Variants in TCF7L1 observed in about 807,000 individuals in gnomAD.
TCF7L1 encodes transcription factor 7 like 1.
In TCF7L1, 18 loss-of-function variants were observed where a neutral mutation model predicts 63.7. The ratio of observed to expected loss-of-function variants is 0.28; its 90% confidence interval spans 0.20 to 0.42. The LOEUF (loss-of-function observed/expected upper bound fraction) is 0.42. Among genes scored for constraint, TCF7L1 ranks in the 10% least tolerant of loss-of-function variants. The probability of loss-of-function intolerance (pLI) is 1.00; values close to 1 mark genes in which losing one functional copy is unlikely to be tolerated. For missense variants in TCF7L1, 654 were observed against 779.3 expected (o/e 0.84, Z 1.91); for synonymous variants, 355 against 340.9 (o/e 1.04, Z -0.46).
At chr2:85,180,375 GCT>G (rs748865472) in intron 3 of TCF7L1, among the ~76,000 whole-genome samples, 4 of 151,858 alleles carry the variant, frequency 2.6e-5, no homozygotes, top group Admixed American at 6.6e-5. Context: ...GCCCCAAAGT[GCT>G]CTTTTTGTTG....
rs1679256787 is a variant in TCF7L1 at position 85,200,974 on chromosome 2, G to A, written c.441+66524G>A. 3.9e-5 allele frequency among the ~76,000 whole-genome samples: 6 copies of A among 152,308 alleles called. No individual in the cohort carries two copies. In the South Asian group the frequency reaches 1.0e-3, roughly 26 times the overall value. On this transcript the variant is annotated intron_variant, in intron 3 of 11. Transcript: ENST00000282111. ...CTAGCATTTTGGGAGGCCGAGGTGG[G>A]TGGATTACCTGAGGTCGGGAGTTCA...
intron 3 of TCF7L1, among the ~76,000 whole-genome samples, chr2:85,259,931 A>C (rs930377546): frequency 9.2e-5 from 14 of 152,160 alleles, no homozygotes; most frequent in Non-Finnish European, 7.3e-5. Flanking sequence ...GGTGGCTGGG[A>C]CACCAGATAC....
rs752274319 is a variant in TCF7L1 at position 85,300,706 on chromosome 2, G to T, written c.526-1778G>T. On this transcript the variant is annotated intron_variant, in intron 4 of 11. Transcript: ENST00000282111. ...AAAGGTCTCATGGAATCTACGAAAT[G>T]AAAAATTCAAAGAGGAATATAGCCA... 3.3e-5 allele frequency among the ~76,000 whole-genome samples: 5 copies of T among 151,782 alleles called. No individual in the cohort carries two copies. The East Asian group carries it at 9.6e-4, about 29-fold the overall frequency.
intron 3 of TCF7L1, among the ~76,000 whole-genome samples, chr2:85,223,638 A>G (rs1156861032): frequency 6.6e-6 from 1 of 152,134 alleles, no homozygotes; most frequent in Non-Finnish European, 1.5e-5. Flanking sequence ...AGCAAAAAGT[A>G]CCCAAAAGCA....
intron 3 of TCF7L1, among the ~76,000 whole-genome samples, chr2:85,155,388 A>C (rs968669234): frequency 6.6e-6 from 1 of 152,262 alleles, no homozygotes; most frequent in South Asian, 2.1e-4. Context: ...TTCACAATAA[A>C]TCTTGCTGCT....
Position 85,191,004 on chromosome 2 carries a change from A to G in TCF7L1, c.441+56554A>G, listed in dbSNP as rs980329087. Reference sequence around the variant, plus strand: ...TTAATGACTCTGGTGCAGTGAACTGAGTTATCTTTATAATTTCTCCTTCAA... The same window carrying G: ...TTAATGACTCTGGTGCAGTGAACTGGGTTATCTTTATAATTTCTCCTTCAA... On this transcript the variant is annotated intron_variant, in intron 3 of 11. Transcript: ENST00000282111. Among the ~76,000 whole-genome samples the G allele has an allele frequency of 1.1e-4, 17 of 152,178 alleles. 1 individual carries two copies. The highest frequency in any genetic ancestry group is 1.0e-3 in the Admixed American group (16 of 15,268).
chr2:85,222,258 T>C (rs2104302002), intron 3 of TCF7L1, among the ~76,000 whole-genome samples: 1 of 151,516 alleles, frequency 6.6e-6, no homozygotes, highest in African/African-American at 2.4e-5. Flanking sequence ...GGAGAATCGC[T>C]TGAAACCAGA....
chr2:85,253,757 T>C (rs564785252), intron 3 of TCF7L1, among the ~76,000 whole-genome samples: 2 of 152,350 alleles, frequency 1.3e-5, no homozygotes, highest in East Asian at 3.9e-4. Flanking sequence ...GCCCTGTGCA[T>C]GCTAAGCGTT....
chr2:85,285,844 C>T (rs113506058), intron 4 of TCF7L1, among the ~76,000 whole-genome samples: 1,771 of 152,300 alleles, frequency 0.012, 44 homozygotes, highest in African/African-American at 0.04. Context: ...TAGTTTCTCT[C>T]TGCATATTGT....
chr2:85,257,612 G>A (rs910169491), intron 3 of TCF7L1, among the ~76,000 whole-genome samples: 4 of 152,236 alleles, frequency 2.6e-5, no homozygotes, highest in Non-Finnish European at 4.4e-5. Context: ...ACAGAGGGCT[G>A]TGGTGCCAGC....
intron 3 of TCF7L1, among the ~76,000 whole-genome samples, chr2:85,236,692 G>C (rs1266697186): frequency 6.6e-6 from 1 of 152,074 alleles, no homozygotes; most frequent in Non-Finnish European, 1.5e-5. Flanking sequence ...GCTGTGTTGG[G>C]GGCAGGGGCA....
chr2:85,172,457 C>T (rs147334010), intron 3 of TCF7L1, among the ~76,000 whole-genome samples: 32 of 152,330 alleles, frequency 2.1e-4, no homozygotes, highest in African/African-American at 7.0e-4. Flanking sequence ...GAGACAGTCT[C>T]GCTCTGTCGC....
intron 3 of TCF7L1, among the ~76,000 whole-genome samples, chr2:85,218,973 G>T (rs1679777256): frequency 6.6e-6 from 1 of 152,104 alleles, no homozygotes; most frequent in Admixed American, 6.5e-5. Flanking sequence ...AGACCAGCCA[G>T]GTCAACATAG....
chr2:85,214,398 G>A (rs1225573203), intron 3 of TCF7L1, among the ~76,000 whole-genome samples: 1 of 152,236 alleles, frequency 6.6e-6, no homozygotes, highest in Non-Finnish European at 1.5e-5. Context: ...CCCAAAGCCA[G>A]TGCCAGCCGA....
intron 3 of TCF7L1, among the ~76,000 whole-genome samples, chr2:85,213,181 G>T (rs1679615041): frequency 6.6e-6 from 1 of 152,078 alleles, no homozygotes; most frequent in African/African-American, 2.4e-5. Context: ...CCAGGTGCAT[G>T]AATGGACCCC....
At chr2:85,216,017 C>T (rs1054461019) in intron 3 of TCF7L1, among the ~76,000 whole-genome samples, 5 of 152,108 alleles carry the variant, frequency 3.3e-5, no homozygotes, top group East Asian at 1.9e-4. Flanking sequence ...TGGCGCTGGG[C>T]GGGGGACAAT....
At chr2:85,237,727 T>C (rs920136631) in intron 3 of TCF7L1, among the ~76,000 whole-genome samples, 3 of 108,888 alleles carry the variant, frequency 2.8e-5, no homozygotes, top group African/African-American at 1.1e-4. Flanking sequence ...GGGGGGTGGG[T>C]TGCAAAGCTA....
At chr2:85,219,580 A>G (rs1175077506) in intron 3 of TCF7L1, among the ~76,000 whole-genome samples, 1 of 152,190 alleles carries the variant, frequency 6.6e-6, no homozygotes, top group Non-Finnish European at 1.5e-5. Flanking sequence ...AACACTCATT[A>G]GAAAAAGTAA....
intron 3 of TCF7L1, among the ~76,000 whole-genome samples, chr2:85,260,184 A>C (rs1197002971): frequency 6.6e-6 from 1 of 152,218 alleles, no homozygotes; most frequent in African/African-American, 2.4e-5. Context: ...AGCAAGAAGA[A>C]ATGATGATCA....
Sources: allele counts gnomAD v4.1 joint callset (sites outside exome capture counted in the v4.1 genomes callset), GRCh38; gene constraint gnomAD v4.1.1; transcripts MANE v1.5; gene names NCBI Gene and HGNC (gene_info 2026-07-23, HGNC 2026-07-21).